Variants in GDPD1 observed in about 807,000 individuals in gnomAD.
GDPD1 encodes the protein lysophospholipase D GDPD1.
A neutral mutation model predicts 45.1 loss-of-function variants in GDPD1; 28 were observed. That is an observed-to-expected ratio of 0.62 (90% CI 0.46 to 0.85). The LOEUF is 0.85. GDPD1 is among the 40% of genes least tolerant of loss of function. The pLI, the probability that GDPD1 is intolerant of heterozygous loss-of-function variation, is 0.00. For synonymous variants in GDPD1, 139 were observed against 131.4 expected, an observed-to-expected ratio of 1.06 and a Z score of -0.40; for missense variants, 256 against 364.8, an observed-to-expected ratio of 0.70 and a Z score of 2.43.
intron 2 of GDPD1, among the ~76,000 whole-genome samples, chr17:59,234,770 T>C (rs1568339764): frequency 1.3e-5 from 2 of 152,210 alleles, no homozygotes; most frequent in Admixed American, 6.5e-5. Context: ...AAAGATACTA[T>C]AGTTACAAAG....
chr17:59,258,302 T>C (rs1433954736), intron 6 of GDPD1, among the ~76,000 whole-genome samples: 6 of 151,844 alleles, frequency 4.0e-5, no homozygotes, highest in Non-Finnish European at 8.8e-5. Flanking sequence ...TCCCAGCACT[T>C]TGGGAGGCCA....
intron 1 of GDPD1, among the ~76,000 whole-genome samples, chr17:59,233,515 A>AG: frequency 6.7e-6 from 1 of 149,670 alleles, no homozygotes; most frequent in African/African-American, 2.5e-5. Context: ...CCGTCTCAAA[A>AG]AAAAAAAAAA....
intron 4 of GDPD1, among the ~76,000 whole-genome samples, chr17:59,254,758 G>C (rs151004562): frequency 1.4e-4 from 21 of 152,248 alleles, no homozygotes; most frequent in Non-Finnish European, 2.6e-4. Flanking sequence ...AGCAGTAATT[G>C]GTCTCTCTCT....
At chr17:59,250,185 T>C (rs955021317) in intron 4 of GDPD1, among the ~76,000 whole-genome samples, 1 of 152,256 alleles carries the variant, frequency 6.6e-6, no homozygotes, top group East Asian at 1.9e-4. Flanking sequence ...TTTTCTTCAT[T>C]CTTGTAACTT....
intron 8 of GDPD1, 102 bp downstream of exon 8, chr17:59,271,097 C>A: frequency 1.4e-6 from 1 of 698,998 alleles, no homozygotes; most frequent in Non-Finnish European, 2.5e-6. Flanking sequence ...TAATTTGTAA[C>A]AAGGACAAAT....
chr17:59,221,155 C>A (rs1568335234), intron 1 of GDPD1, among the ~76,000 whole-genome samples: 1 of 152,014 alleles, frequency 6.6e-6, no homozygotes, highest in African/African-American at 2.4e-5. Context: ...GCACACTGCT[C>A]CGAGCGAGCT....
At chr17:59,238,833 G>A (rs2047154565) in intron 2 of GDPD1, among the ~76,000 whole-genome samples, 1 of 152,108 alleles carries the variant, frequency 6.6e-6, no homozygotes, top group Admixed American at 6.6e-5. Context: ...ATATGGAATG[G>A]GACATTCAGG....
chr17:59,273,724 C>A lies in GDPD1; in HGVS notation c.896C>A (p.Thr299Lys). 6.3e-7 allele frequency: 1 copy of A among 1,593,000 alleles called. No homozygotes were observed. Among genetic ancestry groups the A allele is most frequent in the Non-Finnish European group, 8.6e-7 (1 of 1,168,412 alleles). ...AFDLGATGVMTDYPTKLRDFL... is the reference protein window; with the variant it reads ...AFDLGATGVMKDYPTKLRDFL... ...GATTTGGGAGCAACTGGGGTGATGA[C>A]AGACTATCCAACAAAGCTTAGGGAT... Residue 299 changes from threonine (T) to lysine (K), a missense_variant, in exon 10 of 10, where the codon ACA becomes AAA. Coordinates refer to ENST00000284116, the MANE Select transcript of GDPD1 (RefSeq NM_182569.4).
intron 3 of GDPD1, among the ~76,000 whole-genome samples, chr17:59,248,120 G>A (rs1031577199): frequency 6.6e-6 from 1 of 151,810 alleles, no homozygotes; most frequent in Non-Finnish European, 1.5e-5. Flanking sequence ...TTTGCCAGCT[G>A]GGTGCGGTAG....
In GDPD1 at chr17:59,275,271, A is replaced by C; in HGVS notation, c.*1498A>C. 7.3e-6 allele frequency: 9 copies of C among 1,236,772 alleles called. No individual in the cohort carries two copies. The highest frequency in any genetic ancestry group is 9.1e-6 in the Non-Finnish European group (8 of 878,448). 76.6% of individuals were successfully genotyped at this position (1,236,772 alleles called of 1,614,324 possible). On this transcript the variant is annotated 3_prime_UTR_variant, in exon 10 of 10. Coordinates refer to ENST00000284116, the MANE Select transcript of GDPD1 (RefSeq NM_182569.4). ...ATCAGTGATGTGTAGTTATTTGGCA[A>C]GTTATACATAATCAGCAGCAGCCAG...
At chr17:59,262,555 G>A (rs938813519) in intron 6 of GDPD1, among the ~76,000 whole-genome samples, 15 of 152,186 alleles carry the variant, frequency 9.9e-5, no homozygotes, top group African/African-American at 3.6e-4. Context: ...CAGGGACTTA[G>A]GGTAGGGTAG....
intron 7 of GDPD1, among the ~76,000 whole-genome samples, chr17:59,268,976 C>G (rs980550223): frequency 6.6e-6 from 1 of 151,850 alleles, no homozygotes. Flanking sequence ...AGCGACAGAG[C>G]GAGACTCCTT....
intron 4 of GDPD1, chr17:59,249,077 C>A: frequency 9.5e-6 from 2 of 210,412 alleles, no homozygotes; most frequent in Non-Finnish European, 1.9e-5. Flanking sequence ...ATTAGTCATC[C>A]ATCAAAAAAT....
At chr17:59,250,167 G>A (rs1028440267) in intron 4 of GDPD1, among the ~76,000 whole-genome samples, 3 of 152,182 alleles carry the variant, frequency 2.0e-5, no homozygotes, top group African/African-American at 7.2e-5. Context: ...TTGTTGGTTT[G>A]AGGAAACTTT....
rs529882886 is a variant in GDPD1, at chr17:59,268,594, A to AG, written c.710+1420_710+1421insG. Reference sequence around the variant, plus strand: ...ACTCTGTCTCAAAAAAAAAAAAAAAAAAAAAAAAGAAAAGAAAACACTTTT... The same window carrying AG: ...ACTCTGTCTCAAAAAAAAAAAAAAAAGAAAAAAAAGAAAAGAAAACACTTTT... On this transcript the variant is annotated intron_variant, in intron 7 of 9. Transcript: ENST00000284116. 5.6e-3 allele frequency among the ~76,000 whole-genome samples: 832 copies of AG among 149,216 alleles called. 5 individuals carry two copies. The highest frequency in any genetic ancestry group is 0.02 in the African/African-American group (785 of 40,032).
intron 1 of GDPD1, among the ~76,000 whole-genome samples, chr17:59,226,857 T>A (rs2047050988): frequency 6.6e-6 from 1 of 151,866 alleles, no homozygotes; most frequent in African/African-American, 2.4e-5. Flanking sequence ...TTTTTTGTAT[T>A]TTTAGTAGAG....
chr17:59,228,463 G>T lies in GDPD1; in HGVS notation c.143-6029G>T, dbSNP rs142171532. 4.2e-3 allele frequency among the ~76,000 whole-genome samples: 633 copies of T among 152,290 alleles called. 1 individual carries two copies. Among genetic ancestry groups the T allele is most frequent in the Middle Eastern group, 0.017 (5 of 294 alleles). ...CCATAATATGATAAATGCCTTAGTA[G>T]AGCTATGCATAAGAGACTATGGGGA... On this transcript the variant is annotated intron_variant, in intron 1 of 9. Coordinates refer to ENST00000284116, the MANE Select transcript of GDPD1 (RefSeq NM_182569.4).
At chr17:59,244,538 G>A (rs767844858) in intron 2 of GDPD1, among the ~76,000 whole-genome samples, 5 of 152,056 alleles carry the variant, frequency 3.3e-5, no homozygotes, top group East Asian at 1.9e-4. Flanking sequence ...TCACCTTGTC[G>A]GCCAGGCTAG....
At chr17:59,251,526 A>C (rs1004639778) in intron 4 of GDPD1, among the ~76,000 whole-genome samples, 61 of 152,254 alleles carry the variant, frequency 4.0e-4, no homozygotes, top group Non-Finnish European at 6.0e-4. Flanking sequence ...TCTCAAAAAA[A>C]AAAAGAACAA....
Sources: allele counts gnomAD v4.1 joint callset (sites outside exome capture counted in the v4.1 genomes callset), GRCh38; gene constraint gnomAD v4.1.1; transcripts MANE v1.5; gene names NCBI Gene and HGNC (gene_info 2026-07-23, HGNC 2026-07-21).